The following HMGCL variants were observed in gnomAD, a reference collection of about 807,000 sequenced individuals.
HMGCL encodes 3-hydroxy-3-methylglutaryl-CoA lyase, also known as hydroxymethylglutaryl-CoA lyase, mitochondrial.
A neutral mutation model predicts 37.3 loss-of-function variants in HMGCL; 26 were observed. The observed-to-expected ratio is 0.70, with a 90% CI of 0.51 to 0.97. The LOEUF is 0.97. Among genes scored for constraint, HMGCL ranks in the 50% least tolerant of loss-of-function variants. The pLI is 0.00. For synonymous variants in HMGCL, 151 were observed against 148.0 expected, an observed-to-expected ratio of 1.02 and a Z score of -0.15; for missense variants, 379 against 398.1, an observed-to-expected ratio of 0.95 and a Z score of 0.41.
intron 1 of HMGCL, among the ~76,000 whole-genome samples, chr1:23,824,645 A>C (rs1570657648): frequency 6.6e-6 from 1 of 152,122 alleles, no homozygotes; most frequent in Non-Finnish European, 1.5e-5. Context: ...TGTTACTTAC[A>C]TTTTCTCTAA....
In HMGCL at chr1:23,804,533, C is replaced by T; in HGVS notation, c.751-8G>A. The T allele has an allele frequency of 6.2e-7, 1 of 1,614,144 alleles. No individual in the cohort carries two copies. The highest frequency in any genetic ancestry group is 1.7e-5 in the Admixed American group (1 of 60,022). ...CACGACACTCACTCCCATCTAGAAA[C>T]ATAAGGATGGTGAAACACAGTTGTT... is the stretch of plus-strand genomic sequence containing the variant. On this transcript the variant is annotated splice_polypyrimidine_tract_variant and splice_region_variant and intron_variant, in intron 7 of 8. Transcript: ENST00000374490.
intron 7 of HMGCL, among the ~76,000 whole-genome samples, chr1:23,807,907 A>G (rs1384107524): frequency 2.0e-5 from 3 of 151,902 alleles, no homozygotes; most frequent in African/African-American, 7.3e-5. Context: ...TCCTCCCTTC[A>G]TGGCATCTGT....
At chr1:23,805,120 C>A (rs904163988) in intron 7 of HMGCL, among the ~76,000 whole-genome samples, 1 of 152,254 alleles carries the variant, frequency 6.6e-6, no homozygotes, top group African/African-American at 2.4e-5. Context: ...TCACATCTAC[C>A]CACCTGCCTA....
intron 6 of HMGCL, 54 bp from the exon 7 acceptor site, chr1:23,808,377 C>T: frequency 6.7e-7 from 1 of 1,482,796 alleles, no homozygotes; most frequent in Non-Finnish European, 9.4e-7. Flanking sequence ...CCAGGGGATC[C>T]ATGCACTCAG....
In HMGCL at chr1:23,802,296, T is replaced by A; in HGVS notation, c.*167A>T. The A allele has an allele frequency of 1.5e-6, 1 of 647,926 alleles. No homozygotes were observed. Among genetic ancestry groups the A allele is most frequent in the African/African-American group, 1.8e-5 (1 of 55,564 alleles). The allele number at this position is 647,926 out of a possible 1,614,324, so 40.1% of individuals were successfully genotyped here. The stretch of plus-strand genomic sequence containing the variant: ...GCAGGAGGTCCTTCTGCCAAGCAGC[T>A]CCTCCTGCCCTTCGCCTGCTTTCTG... On this transcript the variant is annotated 3_prime_UTR_variant, in exon 9 of 9. Coordinates refer to ENST00000374490, the MANE Select transcript of HMGCL (RefSeq NM_000191.3).
Position 23,804,517 on chromosome 1 carries a change from C to T in HMGCL, c.759G>A (p.Val253=), listed in dbSNP as rs1570642400. The change falls in exon 8 of 9, where the codon GTG becomes GTA. Residue 253 remains valine, a synonymous_variant. Coordinates refer to ENST00000374490, the MANE Select transcript of HMGCL (RefSeq NM_000191.3). ...CTGCCACAGAAGAGTCCACGACACT[C>T]ACTCCCATCTAGAAACATAAGGATG... ...ANTLMALQMG[V]SVVDSSVAGL... The T allele has an allele frequency of 6.2e-7, 1 of 1,614,186 alleles. No homozygotes were observed. Among genetic ancestry groups the T allele is most frequent in the Non-Finnish European group, 8.5e-7 (1 of 1,180,014 alleles).
intron 4 of HMGCL, among the ~76,000 whole-genome samples, chr1:23,814,838 T>C (rs1638584586): frequency 6.6e-6 from 1 of 152,126 alleles, no homozygotes; most frequent in Admixed American, 6.6e-5. Context: ...ACAGCGTCAT[T>C]GCAGATATCA....
chr1:23,816,825 A>C, intron 3 of HMGCL, 55 bp from the exon 4 acceptor site: 1 of 1,076,346 alleles, frequency 9.3e-7, no homozygotes, highest in Non-Finnish European at 1.5e-6. Context: ...CAGAGAGTTC[A>C]GTTAGAGAAA....
chr1:23,825,288 G>T, intron 1 of HMGCL, 68 bp downstream of exon 1: 1 of 1,346,452 alleles, frequency 7.4e-7, no homozygotes, highest in Non-Finnish European at 1.0e-6. Context: ...GTCACCACGG[G>T]CCAAGCCCCC....
chr1:23,824,018 T>C (rs1298894329), intron 1 of HMGCL, among the ~76,000 whole-genome samples: 1 of 152,184 alleles, frequency 6.6e-6, no homozygotes, highest in Non-Finnish European at 1.5e-5. Flanking sequence ...TGGGCCACTG[T>C]TGCCTCTTTA....
intron 5 of HMGCL, among the ~76,000 whole-genome samples, chr1:23,811,573 G>A (rs949259498): frequency 1.1e-4 from 16 of 152,180 alleles, no homozygotes; most frequent in South Asian, 2.1e-4. Context: ...GAGAGGAGCC[G>A]GGGGTGGTCT....
At chr1:23,822,509 G>A (rs1172166495) in intron 1 of HMGCL, among the ~76,000 whole-genome samples, 5 of 152,142 alleles carry the variant, frequency 3.3e-5, no homozygotes, top group African/African-American at 7.2e-5. Flanking sequence ...GAGGCAAAGC[G>A]GAAGGCACAC....
Position 23,825,376 on chromosome 1 carries a change from C to A in HMGCL, c.40G>T (p.Gly14Cys), listed in dbSNP as rs764292245. The change falls in exon 1 of 9, where the codon GGC becomes TGC. Residue 14 changes from glycine (G) to cysteine (C), a missense_variant. Transcript: ENST00000374490. ...CTTACAGCCCGGAGGGACGCCAAGCCCACCAGTCGCCGCGGAAGCGCCTTC... is the reference window on the plus strand; with the variant it reads ...CTTACAGCCCGGAGGGACGCCAAGCACACCAGTCGCCGCGGAAGCGCCTTC... Reference protein sequence around the residue: ...MRKALPRRLVGLASLRAVSTS... With the variant: ...MRKALPRRLVCLASLRAVSTS... 6 of 1,561,504 alleles carry A rather than the reference C, an allele frequency of 3.8e-6. No homozygotes were observed. The African/African-American group carries it at 6.8e-5, about 18-fold the overall frequency.
chr1:23,810,795 C>T lies in HMGCL; in HGVS notation c.502G>A (p.Val168Ile), dbSNP rs759288306. The change falls in exon 6 of 9, where the codon GTC (valine) becomes ATC (isoleucine). Residue 168 changes from valine (V) to isoleucine (I), a missense_variant. By Grantham distance (29) the Val-to-Ile change is conservative. Coordinates refer to ENST00000374490, the MANE Select transcript of HMGCL (RefSeq NM_000191.3). ...TAAGGGCAGCCAAGAGCACAGGAGA[C>T]GTACCTGTGGGAAGACAGGGGAGGA... ...QSANISVRGY[V>I]SCALGCPYEG... The T allele has an allele frequency of 1.5e-5, 25 of 1,613,200 alleles. No homozygotes were observed. Among genetic ancestry groups the T allele is most frequent in the South Asian group, 6.6e-5 (6 of 91,068 alleles).
At chr1:23,802,664 G>T in intron 8 of HMGCL, 100 bp from the exon 9 acceptor site, 1 of 837,396 alleles carries the variant, frequency 1.2e-6, no homozygotes, top group South Asian at 1.4e-5. Context: ...GAAAAGTAAA[G>T]GTGAAGATAA....
chr1:23,804,115 T>C (rs1207194913), intron 8 of HMGCL: 1 of 439,412 alleles, frequency 2.3e-6, no homozygotes, highest in East Asian at 4.5e-5. Flanking sequence ...TCCCCTCTTT[T>C]GTTTTGTTTT....
At chr1:23,816,618 G>T in intron 4 of HMGCL, 57 bp downstream of exon 4, 2 of 1,043,810 alleles carry the variant, frequency 1.9e-6, no homozygotes, top group Non-Finnish European at 3.0e-6. Context: ...AGACAAGGCA[G>T]GGACCAATGC....
intron 1 of HMGCL, among the ~76,000 whole-genome samples, chr1:23,823,063 C>T (rs1315202717): frequency 2.0e-5 from 3 of 151,392 alleles, no homozygotes; most frequent in Non-Finnish European, 4.4e-5. Context: ...GCAATCCCAG[C>T]TACTCGGGAG....
At position 23,806,348 on chromosome 1, in the gene HMGCL, A is replaced by T. The variant is rs576935634; in HGVS notation, c.750+1787T>A. On this transcript the variant is annotated intron_variant, in intron 7 of 8. Coordinates refer to ENST00000374490, the MANE Select transcript of HMGCL (RefSeq NM_000191.3). The surrounding 1 kb of genome is among the most constrained non-coding windows in gnomAD (Gnocchi z 4.0). Reference sequence around the variant, plus strand: ...TCCCAGCTCAGTCTGAAAGAGTCAAAGTCCTACAAGGCCCCCGATCTGGCC... The same window carrying T: ...TCCCAGCTCAGTCTGAAAGAGTCAATGTCCTACAAGGCCCCCGATCTGGCC... 2.0e-5 allele frequency among the ~76,000 whole-genome samples: 3 copies of T among 152,282 alleles called. No individual in the cohort carries two copies. In the East Asian group the frequency reaches 5.8e-4, roughly 29 times the overall value.
Sources: allele counts gnomAD v4.1 joint callset (sites outside exome capture counted in the v4.1 genomes callset), GRCh38; gene constraint gnomAD v4.1.1; non-coding constraint Gnocchi (gnomAD v3.1); transcripts MANE v1.5; gene names NCBI Gene and HGNC (gene_info 2026-07-23, HGNC 2026-07-21).